The following NTRK3 variants were observed in gnomAD, a reference collection of about 807,000 sequenced individuals.
NTRK3 encodes NT-3 growth factor receptor.
Under a neutral mutation model 91.7 loss-of-function variants are expected in NTRK3, and 24 were observed. The ratio of observed to expected loss-of-function variants is 0.26; its 90% CI spans 0.19 to 0.37. The LOEUF is 0.37. Among genes scored for constraint, NTRK3 ranks in the 10% least tolerant of loss-of-function variants. The pLI, the probability that NTRK3 is intolerant of heterozygous loss-of-function variation, is 1.00. For missense variants in NTRK3, 880 were observed against 1,068.9 expected, an observed-to-expected ratio of 0.82 and a Z score of 2.46; for synonymous variants, 483 against 404.0, an observed-to-expected ratio of 1.20 and a Z score of -2.34.
intron 14 of NTRK3, among the ~76,000 whole-genome samples, chr15:88,025,567 C>T (rs1387128035): frequency 6.6e-6 from 1 of 152,154 alleles, no homozygotes; most frequent in Non-Finnish European, 1.5e-5. Context: ...TGGAGTGATG[C>T]AGCTGCAAGC....
At chr15:87,890,387 TA>T (rs2065792353) in intron 17 of NTRK3, among the ~76,000 whole-genome samples, 2 of 152,200 alleles carry the variant, frequency 1.3e-5, no homozygotes, top group Non-Finnish European at 2.9e-5. Flanking sequence ...CTTTTATAAA[TA>T]AAAAGTTCCT....
chr15:88,243,856 G>A lies in NTRK3; in HGVS notation c.248+12050C>T, dbSNP rs898438786. Reference sequence around the variant, plus strand: ...ATGTGGTTTCTCCAGTTGTGACTTCGTACTGTGGGCCCCAGCAAGAAACAT... The same window carrying A: ...ATGTGGTTTCTCCAGTTGTGACTTCATACTGTGGGCCCCAGCAAGAAACAT... On this transcript the variant is annotated intron_variant, in intron 3 of 18. Coordinates refer to ENST00000394480, the Ensembl canonical transcript of NTRK3. The surrounding 1 kb of genome is among the most constrained non-coding windows in gnomAD (Gnocchi z 4.8). Among the ~76,000 whole-genome samples, 5 of 152,218 alleles carry A rather than the reference G, an allele frequency of 3.3e-5. No individual in the cohort carries two copies. The highest frequency in any genetic ancestry group is 1.9e-4 in the East Asian group (1 of 5,176).
At chr15:88,187,103 G>A (rs1272874356) in intron 3 of NTRK3, among the ~76,000 whole-genome samples, 2 of 152,162 alleles carry the variant, frequency 1.3e-5, no homozygotes, top group South Asian at 2.1e-4. Flanking sequence ...TGTGCCTTAC[G>A]GAAACTGAGC....
intron 14 of NTRK3, among the ~76,000 whole-genome samples, chr15:88,017,264 A>C (rs2077297589): frequency 6.6e-6 from 1 of 152,200 alleles, no homozygotes; most frequent in Non-Finnish European, 1.5e-5. Context: ...TCACCAAAAG[A>C]AGCATGGATG....
chr15:88,175,247 G>A (rs936108610), intron 5 of NTRK3, among the ~76,000 whole-genome samples: 8 of 152,164 alleles, frequency 5.3e-5, no homozygotes, highest in Admixed American at 2.6e-4. Context: ...CCAACAAGAC[G>A]CCAGCTAATG....
At chr15:88,181,033 T>C (rs905887642) in intron 5 of NTRK3, among the ~76,000 whole-genome samples, 1 of 152,188 alleles carries the variant, frequency 6.6e-6, no homozygotes, top group African/African-American at 2.4e-5. Context: ...TGAGAGCCAC[T>C]TGACTGGGTG....
intron 3 of NTRK3, among the ~76,000 whole-genome samples, chr15:88,253,821 C>T (rs2053695289): frequency 6.6e-6 from 1 of 152,174 alleles, no homozygotes; most frequent in Non-Finnish European, 1.5e-5. Context: ...CCTCCTGAGG[C>T]CCTCCAGTAC....
At position 88,243,679 on chromosome 15, in the gene NTRK3, A is replaced by C. The variant is rs1054459998; in HGVS notation, c.248+12227T>G. On this transcript the variant is annotated intron_variant, in intron 3 of 18. Transcript: ENST00000394480. This position sits in a 1 kb window ranked among gnomAD's most constrained non-coding sequence, Gnocchi z 4.8. The stretch of plus-strand genomic sequence containing the variant: ...CTACATTTCCCAGGTAAACAAACTG[A>C]GGTTCAGAGATCTGGAGTCTCTTGG... Among the ~76,000 whole-genome samples, 2 of 152,214 alleles carry C rather than the reference A, an allele frequency of 1.3e-5. No homozygotes were observed. The highest frequency in any genetic ancestry group is 4.8e-5 in the African/African-American group (2 of 41,456).
At chr15:87,953,383 G>T (rs1289759478) in intron 14 of NTRK3, among the ~76,000 whole-genome samples, 1 of 152,136 alleles carries the variant, frequency 6.6e-6, no homozygotes, top group South Asian at 2.1e-4. Flanking sequence ...ACCAGAAGAC[G>T]ATTCTTTATC....
chr15:88,207,745 C>T (rs1253301199), intron 3 of NTRK3, among the ~76,000 whole-genome samples: 1 of 152,152 alleles, frequency 6.6e-6, no homozygotes, highest in Non-Finnish European at 1.5e-5. Context: ...CCTGGCTTCC[C>T]GGAGCTATCA....
chr15:88,029,379 A>G (rs2078325301), intron 14 of NTRK3, among the ~76,000 whole-genome samples: 2 of 152,236 alleles, frequency 1.3e-5, no homozygotes, highest in South Asian at 2.1e-4. Flanking sequence ...GAAAAATGCT[A>G]TGGACCAGAT....
chr15:88,137,344 T>C, intron 7 of NTRK3, 60 bp downstream of exon 7: 1 of 1,590,082 alleles, frequency 6.3e-7, no homozygotes, highest in Non-Finnish European at 8.6e-7. Flanking sequence ...TCCAGCACCA[T>C]CTCTGGTGTC....
At chr15:87,984,996 G>A (rs2074623188) in intron 14 of NTRK3, among the ~76,000 whole-genome samples, 1 of 152,126 alleles carries the variant, frequency 6.6e-6, no homozygotes, top group African/African-American at 2.4e-5. Flanking sequence ...GTTATAGGCT[G>A]TGCATTAAGA....
intron 13 of NTRK3, among the ~76,000 whole-genome samples, chr15:88,042,846 A>T (rs1009345382): frequency 1.3e-5 from 2 of 152,168 alleles, no homozygotes; most frequent in Non-Finnish European, 2.9e-5. Context: ...CCAAGATCAC[A>T]CAGTTAATAA....
chr15:87,907,069 G>A (rs983241408), intron 17 of NTRK3, among the ~76,000 whole-genome samples: 3 of 152,080 alleles, frequency 2.0e-5, no homozygotes, highest in Non-Finnish European at 4.4e-5. Context: ...ATTCTCAGAA[G>A]GGTCCAACTT....
chr15:88,206,314 C>G (rs552997828), intron 3 of NTRK3, among the ~76,000 whole-genome samples: 48 of 145,152 alleles, frequency 3.3e-4, no homozygotes, highest in African/African-American at 1.2e-3. Context: ...CCACTGCACT[C>G]CAGCCTGGGC....
chr15:88,083,224 T>C (rs2048212756), intron 13 of NTRK3, among the ~76,000 whole-genome samples: 1 of 152,038 alleles, frequency 6.6e-6, no homozygotes, highest in Admixed American at 6.5e-5. Flanking sequence ...GAGTGGTATT[T>C]CTTTTTTGGG....
chr15:88,079,101 C>T (rs990424158), intron 13 of NTRK3, among the ~76,000 whole-genome samples: 1 of 152,056 alleles, frequency 6.6e-6, no homozygotes, highest in East Asian at 1.9e-4. Context: ...GGAGGGGTGG[C>T]GTTTGCGGGC....
chr15:88,032,246 G>C (rs951299267), intron 14 of NTRK3, among the ~76,000 whole-genome samples: 4 of 152,092 alleles, frequency 2.6e-5, no homozygotes, highest in African/African-American at 9.7e-5. Context: ...GACAAGGAGA[G>C]GGGTTGGAAC....
Sources: gnomAD v4.1 joint callset for allele counts (sites outside exome capture counted in the v4.1 genomes callset) on GRCh38, gnomAD v4.1.1 for gene constraint, Gnocchi (gnomAD v3.1) non-coding constraint, MANE v1.5 for transcripts, NCBI Gene and HGNC (gene_info 2026-07-23, HGNC 2026-07-21) for gene names.